Variants in FHIT observed in about 807,000 individuals in gnomAD.
FHIT encodes the protein fragile histidine triad diadenosine triphosphatase.
FHIT carries 19 observed loss-of-function variants against 17.9 expected under a neutral mutation model. That is an observed-to-expected ratio of 1.06 (90% CI 0.74 to 1.56). FHIT has a LOEUF of 1.56. FHIT is among the 40% of genes most tolerant of loss of function. The pLI is 0.00. For missense variants in FHIT, 248 were observed against 189.2 expected (o/e 1.31, Z -1.82); for synonymous variants, 81 against 69.7 (o/e 1.16, Z -0.81).
intron 5 of FHIT, among the ~76,000 whole-genome samples, chr3:60,164,795 G>A (rs1195985648): frequency 6.6e-6 from 1 of 152,072 alleles, no homozygotes; most frequent in African/African-American, 2.4e-5. Flanking sequence ...AGCTAAGAGA[G>A]TACATTTAAA....
chr3:60,962,932 T>A (rs1462238697), intron 3 of FHIT, among the ~76,000 whole-genome samples: 1 of 152,228 alleles, frequency 6.6e-6, no homozygotes, highest in African/African-American at 2.4e-5. Flanking sequence ...ATCAGGACAA[T>A]GCTGGCCGCA....
At chr3:59,754,465 A>C (rs1701096357) in intron 8 of FHIT, among the ~76,000 whole-genome samples, 1 of 152,200 alleles carries the variant, frequency 6.6e-6, no homozygotes, top group African/African-American at 2.4e-5. Context: ...ACTAATTTTC[A>C]TTTTGATACT....
intron 8 of FHIT, among the ~76,000 whole-genome samples, chr3:59,767,912 G>T (rs942010961): frequency 2.0e-5 from 3 of 152,106 alleles, no homozygotes; most frequent in Admixed American, 6.5e-5. Flanking sequence ...AGACTAAATT[G>T]AGGCTCTAAC....
chr3:61,124,905 A>G (rs915000193), intron 2 of FHIT, among the ~76,000 whole-genome samples: 4 of 152,146 alleles, frequency 2.6e-5, no homozygotes, highest in Admixed American at 2.6e-4. Context: ...CATGTCCCCA[A>G]TTACTTCTTT....
chr3:60,568,189 A>G (rs2037210739), intron 4 of FHIT, among the ~76,000 whole-genome samples: 1 of 152,156 alleles, frequency 6.6e-6, no homozygotes, highest in African/African-American at 2.4e-5. Context: ...TCACAATAGC[A>G]AAGACTTGGA....
At chr3:60,225,569 C>T (rs560672587) in intron 5 of FHIT, among the ~76,000 whole-genome samples, 185 of 152,226 alleles carry the variant, frequency 1.2e-3, no homozygotes, top group African/African-American at 4.1e-3. Context: ...ACAGTCTGCA[C>T]GCAGAATGGT....
intron 7 of FHIT, among the ~76,000 whole-genome samples, chr3:60,009,409 G>T (rs1340147191): frequency 6.6e-6 from 1 of 151,742 alleles, no homozygotes; most frequent in African/African-American, 2.4e-5. Context: ...AAATAATCAG[G>T]GTGATGATAA....
intron 8 of FHIT, among the ~76,000 whole-genome samples, chr3:59,868,701 G>A (rs775593598): frequency 1.3e-5 from 2 of 152,152 alleles, no homozygotes; most frequent in Admixed American, 1.3e-4. Context: ...CCTCTCCATC[G>A]ATTTGCTTCT....
At chr3:60,048,725 A>G (rs1019420830) in intron 5 of FHIT, among the ~76,000 whole-genome samples, 13 of 152,160 alleles carry the variant, frequency 8.5e-5, no homozygotes, top group African/African-American at 3.1e-4. Flanking sequence ...ATACTTGGAA[A>G]CCATGTTCAT....
At chr3:60,990,977 AG>A (rs1306442408) in intron 3 of FHIT, among the ~76,000 whole-genome samples, 1 of 152,208 alleles carries the variant, frequency 6.6e-6, no homozygotes, top group Non-Finnish European at 1.5e-5. Context: ...TATGACAATG[AG>A]GGAAAACAGA....
At chr3:61,135,604 C>T (rs911068663) in intron 2 of FHIT, among the ~76,000 whole-genome samples, 1 of 151,994 alleles carries the variant, frequency 6.6e-6, no homozygotes. Context: ...CACACATACA[C>T]ACACACACAC....
chr3:61,245,457 A>G (rs72881734), intron 1 of FHIT, among the ~76,000 whole-genome samples: 1 of 152,180 alleles, frequency 6.6e-6, no homozygotes, highest in African/African-American at 2.4e-5. Flanking sequence ...GAGTATCCTA[A>G]GTACTTGCTA....
At chr3:60,647,165 GGA>G (rs2039880073) in intron 4 of FHIT, among the ~76,000 whole-genome samples, 1 of 152,176 alleles carries the variant, frequency 6.6e-6, no homozygotes, top group Admixed American at 6.5e-5. Flanking sequence ...GAAAGGCATG[GGA>G]GAGAGTCTAC....
chr3:61,034,487 T>C (rs939344779), intron 3 of FHIT, among the ~76,000 whole-genome samples: 4 of 152,060 alleles, frequency 2.6e-5, no homozygotes, highest in Non-Finnish European at 5.9e-5. Flanking sequence ...TTAACAGACA[T>C]TTCTCCAGAA....
At chr3:59,956,921 T>G (rs914859817) in intron 7 of FHIT, among the ~76,000 whole-genome samples, 1 of 152,250 alleles carries the variant, frequency 6.6e-6, no homozygotes, top group African/African-American at 2.4e-5. Context: ...ACCCTCAGTT[T>G]TAATCCATTT....
chr3:60,568,096 C>T (rs4679552), intron 4 of FHIT, among the ~76,000 whole-genome samples: 16 of 152,014 alleles, frequency 1.1e-4, no homozygotes, highest in African/African-American at 3.9e-4. Flanking sequence ...GCCCAGCAAT[C>T]CCATTACTGA....
rs139596687 is a variant in FHIT at position 60,793,934 on chromosome 3, C to T, written c.-18+27985G>A. Among the ~76,000 whole-genome samples, 52 of 152,244 alleles carry T rather than the reference C, an allele frequency of 3.4e-4. 3 individuals are homozygous for T. In the East Asian group the frequency reaches 0.01, roughly 29 times the overall value. On this transcript the variant is annotated intron_variant, in intron 4 of 9. Transcript: ENST00000492590. Reference sequence around the variant, plus strand: ...AATACACAGAAGCTGGGGCAGGGCTCACAGATATGTTGAAAGGTACCAGGG... The same window carrying T: ...AATACACAGAAGCTGGGGCAGGGCTTACAGATATGTTGAAAGGTACCAGGG...
intron 5 of FHIT, among the ~76,000 whole-genome samples, chr3:60,130,573 T>C (rs1316774499): frequency 6.6e-6 from 1 of 152,118 alleles, no homozygotes; most frequent in Non-Finnish European, 1.5e-5. Flanking sequence ...TGTATTTTTA[T>C]ACAACTTCAA....
At chr3:60,953,121 T>C (rs1203118794) in intron 3 of FHIT, among the ~76,000 whole-genome samples, 3 of 152,140 alleles carry the variant, frequency 2.0e-5, no homozygotes, top group Admixed American at 6.5e-5. Context: ...TAAGAACAAG[T>C]GGGGGCATGT....
Sources: allele counts gnomAD v4.1 joint callset (sites outside exome capture counted in the v4.1 genomes callset), GRCh38; gene constraint gnomAD v4.1.1; transcripts MANE v1.5; gene names NCBI Gene and HGNC (gene_info 2026-07-23, HGNC 2026-07-21).